The following SLC7A11 variants were observed in gnomAD, a reference collection of about 807,000 sequenced individuals.
The protein encoded by SLC7A11 is solute carrier family 7 member 11, also known as cystine/glutamate transporter.
SLC7A11 carries 35 observed loss-of-function variants against 54.5 expected under a neutral mutation model. That is an observed-to-expected ratio of 0.64 (90% CI 0.49 to 0.85). The LOEUF (loss-of-function observed/expected upper bound fraction) is 0.85. SLC7A11 is among the 40% of genes least tolerant of loss of function. SLC7A11 has a pLI of 0.00. For missense variants in SLC7A11, 583 were observed against 618.1 expected (o/e 0.94, Z 0.60); for synonymous variants, 230 against 225.2 (o/e 1.02, Z -0.19).
At position 138,242,221 on chromosome 4, in the gene SLC7A11, T is replaced by C; in HGVS notation, c.-152A>G. 1.2e-6 allele frequency: 1 copy of C among 838,526 alleles called. No homozygotes were observed. 51.9% of individuals were successfully genotyped at this position (838,526 alleles called of 1,614,324 possible). On this transcript the variant is annotated 5_prime_UTR_variant, in exon 1 of 12. Coordinates refer to ENST00000280612, the MANE Select transcript of SLC7A11 (RefSeq NM_014331.4). ...GTTCACAGGTGAAAACTCAAAGGTG[T>C]GCTTTTTCCTTCACAGCGATCTAAT...
At chr4:138,241,025 A>G (rs1301829941) in intron 1 of SLC7A11, among the ~76,000 whole-genome samples, 1 of 152,186 alleles carries the variant, frequency 6.6e-6, no homozygotes, top group Non-Finnish European at 1.5e-5. Flanking sequence ...GAACAGGTGG[A>G]CAAATTCTCT....
At chr4:138,174,188 G>A (rs1736507850) in intron 11 of SLC7A11, among the ~76,000 whole-genome samples, 1 of 152,066 alleles carries the variant, frequency 6.6e-6, no homozygotes, top group Admixed American at 6.6e-5. Flanking sequence ...TATATTCAGG[G>A]ACCCCCAGAT....
Position 138,187,215 on chromosome 4 carries a change from G to A in SLC7A11, c.792-1971C>T, listed in dbSNP as rs146186872. ...AGACATTACAGTCTCTCTGAGGGCCGTTTCCTAAATTGATCTAAGCAGAAG... is the reference window on the plus strand; with the variant it reads ...AGACATTACAGTCTCTCTGAGGGCCATTTCCTAAATTGATCTAAGCAGAAG... On this transcript the variant is annotated intron_variant, in intron 6 of 11. Coordinates refer to ENST00000280612, the MANE Select transcript of SLC7A11 (RefSeq NM_014331.4). Among the ~76,000 whole-genome samples the A allele has an allele frequency of 2.8e-3, 422 of 152,138 alleles. 2 individuals are homozygous for A. Among genetic ancestry groups the A allele is most frequent in the Non-Finnish European group, 4.4e-3 (302 of 67,988 alleles).
At chr4:138,184,583 A>G (rs1736830048) in intron 7 of SLC7A11, among the ~76,000 whole-genome samples, 1 of 152,146 alleles carries the variant, frequency 6.6e-6, no homozygotes, top group South Asian at 2.1e-4. Context: ...TCTGAGAAGT[A>G]TTATAACAAC....
chr4:138,198,963 A>G (rs1737206643), intron 6 of SLC7A11, among the ~76,000 whole-genome samples: 1 of 152,168 alleles, frequency 6.6e-6, no homozygotes, highest in Non-Finnish European at 1.5e-5. Flanking sequence ...ATAAGTAGAA[A>G]GAGCTGGAGT....
chr4:138,242,232 T>C lies in SLC7A11; in HGVS notation c.-163A>G, dbSNP rs1229726457. On this transcript the variant is annotated 5_prime_UTR_variant, in exon 1 of 12. Transcript: ENST00000280612. Reference sequence around the variant, plus strand: ...AAAACTCAAAGGTGTGCTTTTTCCTTCACAGCGATCTAATTACTACTCAGA... The same window carrying C: ...AAAACTCAAAGGTGTGCTTTTTCCTCCACAGCGATCTAATTACTACTCAGA... The C allele has an allele frequency of 4.0e-6, 3 of 741,410 alleles. No homozygotes were observed. The highest frequency in any genetic ancestry group is 6.5e-6 in the Non-Finnish European group (3 of 463,248). The allele number at this position is 741,410 out of a possible 1,614,324, so 45.9% of individuals were successfully genotyped here.
intron 5 of SLC7A11, among the ~76,000 whole-genome samples, chr4:138,217,159 A>G (rs1373083199): frequency 6.6e-6 from 1 of 152,160 alleles, no homozygotes; most frequent in Non-Finnish European, 1.5e-5. Flanking sequence ...GTAGCACAAC[A>G]ACCTGTTATA....
intron 6 of SLC7A11, among the ~76,000 whole-genome samples, chr4:138,185,836 A>G (rs1031244037): frequency 6.6e-6 from 1 of 152,166 alleles, no homozygotes; most frequent in Non-Finnish European, 1.5e-5. Context: ...ATAGTGGGAT[A>G]TATCTACCTT....
intron 6 of SLC7A11, among the ~76,000 whole-genome samples, chr4:138,212,908 A>G (rs564780259): frequency 1.3e-5 from 2 of 152,104 alleles, no homozygotes; most frequent in East Asian, 3.9e-4. Context: ...AAATTCTAGT[A>G]ATTGATGTCT....
rs146063954 is a variant in SLC7A11, at chr4:138,218,981, T to A, written c.746+285A>T. ...TTATGTCCTTACTGGTACATACTTA[T>A]AAGTAATTTTTATTGGATCTTAAGA... On this transcript the variant is annotated intron_variant, in intron 5 of 11. Coordinates refer to ENST00000280612, the MANE Select transcript of SLC7A11 (RefSeq NM_014331.4). Among the ~76,000 whole-genome samples, 539 of 152,290 alleles carry A rather than the reference T, an allele frequency of 3.5e-3. 5 individuals carry two copies. Among genetic ancestry groups the A allele is most frequent in the African/African-American group, 0.012 (518 of 41,550 alleles).
intron 3 of SLC7A11, among the ~76,000 whole-genome samples, chr4:138,229,018 C>T (rs552518778): frequency 6.6e-6 from 1 of 152,266 alleles, no homozygotes; most frequent in Non-Finnish European, 1.5e-5. Context: ...TATCATCTCT[C>T]AAATGGTTGG....
At chr4:138,241,502 TGGGTCATGAAA>T (rs1389252002) in intron 1 of SLC7A11, among the ~76,000 whole-genome samples, 2 of 152,140 alleles carry the variant, frequency 1.3e-5, no homozygotes, top group African/African-American at 4.8e-5. Flanking sequence ...TGTTTTTTAC[TGGGTCATGAAA>T]GTTAGCCTTT....
At chr4:138,237,731 ATATATATTTTTTTTTTTTTTTTTTTTTT>A (rs1738264710) in intron 1 of SLC7A11, among the ~76,000 whole-genome samples, 1 of 10,652 alleles carries the variant, frequency 9.4e-5, no homozygotes, top group Non-Finnish European at 1.6e-4. Flanking sequence ...ATATATATAT[ATATATATTTTTTTTTTTTTTTTTTTTTT>A]TTTTTTTTTG....
chr4:138,202,098 T>C (rs1431073084), intron 6 of SLC7A11, among the ~76,000 whole-genome samples: 1 of 152,028 alleles, frequency 6.6e-6, no homozygotes, highest in Non-Finnish European at 1.5e-5. Context: ...AGAAAAATAA[T>C]GAATCACATA....
At chr4:138,239,502 T>A (rs1023547346) in intron 1 of SLC7A11, among the ~76,000 whole-genome samples, 1 of 152,210 alleles carries the variant, frequency 6.6e-6, no homozygotes, top group Non-Finnish European at 1.5e-5. Flanking sequence ...GATTTTGCTT[T>A]GCTTGCTGTT....
chr4:138,194,736 C>A (rs1737090770), intron 6 of SLC7A11, among the ~76,000 whole-genome samples: 1 of 152,158 alleles, frequency 6.6e-6, no homozygotes, highest in Admixed American at 6.5e-5. Flanking sequence ...TGGGTCTAGT[C>A]ATGTCCCCAT....
In SLC7A11 at chr4:138,228,754, G is replaced by A. The variant is rs1458153238; in HGVS notation, c.520+3513C>T. On this transcript the variant is annotated intron_variant, in intron 3 of 11. Transcript: ENST00000280612. Reference sequence around the variant, plus strand: ...AGCCTGGGCGACAGAGCAAGACTCCGTCTCAAAAAAAAAAAAAAAAAAAAA... The same window carrying A: ...AGCCTGGGCGACAGAGCAAGACTCCATCTCAAAAAAAAAAAAAAAAAAAAA... 1.5e-4 allele frequency among the ~76,000 whole-genome samples: 7 copies of A among 45,780 alleles called. No individual in the cohort carries two copies. The East Asian group carries it at 2.5e-3, about 16-fold the overall frequency. The allele number at this position is 45,780 out of a possible 152,430, so 30.0% of individuals were successfully genotyped here. A position where few individuals can be genotyped will look rare whatever the true frequency, so the allele number is the denominator to read the frequency against.
At chr4:138,180,394 A>G (rs1191627797) in intron 10 of SLC7A11, among the ~76,000 whole-genome samples, 1 of 152,138 alleles carries the variant, frequency 6.6e-6, no homozygotes, top group African/African-American at 2.4e-5. Flanking sequence ...CCAAACATTC[A>G]TTCATACAGT....
At chr4:138,235,030 C>T (rs762633694) in intron 2 of SLC7A11, among the ~76,000 whole-genome samples, 13 of 152,116 alleles carry the variant, frequency 8.5e-5, no homozygotes, top group Non-Finnish European at 1.8e-4. Flanking sequence ...TCTTTGTATG[C>T]TTGAAATGTT....
Sources: allele counts gnomAD v4.1 joint callset (sites outside exome capture counted in the v4.1 genomes callset), GRCh38; gene constraint gnomAD v4.1.1; transcripts MANE v1.5; gene names NCBI Gene and HGNC (gene_info 2026-07-23, HGNC 2026-07-21).